The following TEAD4 variants were observed in gnomAD, a reference collection of about 807,000 sequenced individuals.
The protein encoded by TEAD4 is TEA domain transcription factor 4.
A neutral mutation model predicts 52.4 loss-of-function variants in TEAD4; 36 were observed. The observed-to-expected ratio is 0.69, with a 90% CI of 0.53 to 0.91. The LOEUF is 0.91. Among genes scored for constraint, TEAD4 ranks in the 40% least tolerant of loss-of-function variants. The probability of loss-of-function intolerance (pLI) is 0.00; values close to 1 mark genes in which losing one functional copy is unlikely to be tolerated. For missense variants in TEAD4, 508 were observed against 583.9 expected (o/e 0.87, Z 1.34); for synonymous variants, 220 against 231.0 (o/e 0.95, Z 0.43).
At chr12:2,961,182 T>C (rs74057725) in intron 2 of TEAD4, among the ~76,000 whole-genome samples, 5,846 of 152,176 alleles carry the variant, frequency 0.038, 363 homozygotes, top group African/African-American at 0.13. Context: ...TAAGTTGCCC[T>C]CAAGGACAAA....
intron 8 of TEAD4, 106 bp from the exon 9 acceptor site, chr12:3,020,528 C>T (rs1565546497): frequency 4.5e-6 from 6 of 1,347,854 alleles, no homozygotes; most frequent in South Asian, 1.9e-5. Flanking sequence ...AGGCGGTCCC[C>T]CCAGGCAGCA....
At chr12:3,003,793 T>C (rs1396613064) in intron 3 of TEAD4, among the ~76,000 whole-genome samples, 6 of 152,152 alleles carry the variant, frequency 3.9e-5, no homozygotes, top group Non-Finnish European at 7.4e-5. Context: ...CACGTTGCAA[T>C]GCGCAGCTGC....
intron 2 of TEAD4, among the ~76,000 whole-genome samples, chr12:2,993,645 T>A (rs964181771): frequency 2.0e-5 from 3 of 151,048 alleles, no homozygotes; most frequent in African/African-American, 4.9e-5. Flanking sequence ...TAATTTTTTT[T>A]AAATTAATTT....
intron 2 of TEAD4, among the ~76,000 whole-genome samples, chr12:2,976,356 C>CCCA (rs750656986): frequency 4.5e-4 from 24 of 53,796 alleles, no homozygotes; most frequent in South Asian, 3.9e-3. Flanking sequence ...TACACCCTGC[C>CCCA]CCCTCCCAAC....
intron 7 of TEAD4, 116 bp downstream of exon 7, chr12:3,018,704 C>T: frequency 7.4e-7 from 1 of 1,345,160 alleles, no homozygotes; most frequent in Middle Eastern, 1.8e-4. Flanking sequence ...CTGGGGTCGG[C>T]CTTTCAGGAT....
chr12:2,975,780 C>T (rs1291705665), intron 2 of TEAD4, among the ~76,000 whole-genome samples: 11 of 152,120 alleles, frequency 7.2e-5, no homozygotes, highest in African/African-American at 1.7e-4. Context: ...GTGTACCCAC[C>T]ATTACAGTAT....
chr12:3,000,974 A>G (rs2098251309), intron 3 of TEAD4, among the ~76,000 whole-genome samples: 1 of 152,166 alleles, frequency 6.6e-6, no homozygotes, highest in Non-Finnish European at 1.5e-5. Context: ...CCTCATTTGC[A>G]GGATTCTCTG....
chr12:3,012,198 G>A lies in TEAD4; in HGVS notation c.320G>A (p.Arg107His). ...TCCAGCCACATCCAGGTGCTGGCTC[G>A]TCGCAAAGCTCGCGAGATCCAGGCC... The change falls in exon 5 of 13, where the codon CGT becomes CAT. Residue 107 changes from arginine (R) to histidine (H), a missense_variant. By Grantham distance (29) the Arg-to-His change is conservative. Coordinates refer to ENST00000359864, the MANE Select transcript of TEAD4 (RefSeq NM_003213.4). The A allele has an allele frequency of 6.2e-7, 1 of 1,614,108 alleles. No individual in the cohort carries two copies. Among genetic ancestry groups the A allele is most frequent in the Non-Finnish European group, 8.5e-7 (1 of 1,179,982 alleles).
At chr12:2,988,559 TACAA>T (rs1458588224) in intron 2 of TEAD4, among the ~76,000 whole-genome samples, 4 of 150,506 alleles carry the variant, frequency 2.7e-5, no homozygotes, top group Non-Finnish European at 5.9e-5. Context: ...TGTCCTGCCA[TACAA>T]CTCCTAAAAT....
intron 2 of TEAD4, among the ~76,000 whole-genome samples, chr12:2,962,168 A>T (rs2098215909): frequency 6.7e-6 from 1 of 149,270 alleles, no homozygotes. Context: ...TCTGTCGCCT[A>T]GGCAGTAGTA....
At chr12:3,035,366 G>C (rs1199592792) in intron 10 of TEAD4, among the ~76,000 whole-genome samples, 1 of 152,182 alleles carries the variant, frequency 6.6e-6, no homozygotes, top group African/African-American at 2.4e-5. Flanking sequence ...ATCCTTCCCA[G>C]GCAGCTGGGC....
At chr12:2,968,170 T>TCCACCTTC (rs1360880232) in intron 2 of TEAD4, among the ~76,000 whole-genome samples, 3 of 140,010 alleles carry the variant, frequency 2.1e-5, no homozygotes, top group Non-Finnish European at 4.6e-5. Flanking sequence ...CACCGCAGCC[T>TCCACCTTC]CCACCTTCCG....
chr12:3,030,761 G>A (rs1591598476), intron 10 of TEAD4, among the ~76,000 whole-genome samples: 3 of 152,306 alleles, frequency 2.0e-5, no homozygotes, highest in Admixed American at 2.0e-4. Flanking sequence ...CTTCGAAGGG[G>A]TCGGCAGTCG....
At chr12:2,987,235 A>G (rs1469318880) in intron 2 of TEAD4, among the ~76,000 whole-genome samples, 1 of 152,108 alleles carries the variant, frequency 6.6e-6, no homozygotes, top group Non-Finnish European at 1.5e-5. Flanking sequence ...TCCCCCAAGG[A>G]GTCTGTTTAG....
chr12:2,988,687 A>G (rs2098240691), intron 2 of TEAD4, among the ~76,000 whole-genome samples: 1 of 152,110 alleles, frequency 6.6e-6, no homozygotes, highest in South Asian at 2.1e-4. Flanking sequence ...AAAGGGCAGG[A>G]TTAGAGGGGT....
chr12:2,995,473 C>G (rs2098246338), intron 3 of TEAD4, among the ~76,000 whole-genome samples: 1 of 152,154 alleles, frequency 6.6e-6, no homozygotes, highest in Non-Finnish European at 1.5e-5. Context: ...TGTGAGCTCA[C>G]AGATACCTGC....
Position 2,959,574 on chromosome 12 carries a change from G to C in TEAD4, c.-123+93G>C, listed in dbSNP as rs2098213468. The C allele has an allele frequency of 6.6e-6, 1 of 150,404 alleles. No individual in the cohort carries two copies. The highest frequency in any genetic ancestry group is 1.5e-5 in the Non-Finnish European group (1 of 67,392). 9.3% of individuals were successfully genotyped at this position (150,404 alleles called of 1,614,324 possible). ...GCCGACCGCTCGCGCCGCGTGCTCG[G>C]CTGCTCTTTTCTTTCCGCCGCCCGC... On this transcript the variant is annotated intron_variant, in intron 1 of 12. Coordinates refer to ENST00000359864, the MANE Select transcript of TEAD4 (RefSeq NM_003213.4). This position sits in a 1 kb window ranked among gnomAD's most constrained non-coding sequence, Gnocchi z 5.1.
chr12:2,980,750 G>T (rs932707469), intron 2 of TEAD4, among the ~76,000 whole-genome samples: 5 of 150,598 alleles, frequency 3.3e-5, no homozygotes, highest in Admixed American at 6.6e-5. Context: ...AAAAAAAAAA[G>T]TTGGCAAAAT....
chr12:2,960,279 G>T, intron 2 of TEAD4: 1 of 985,522 alleles, frequency 1.0e-6, no homozygotes, highest in Non-Finnish European at 1.2e-6. Context: ...GAGAGCATCG[G>T]CAACAGAAGA....
Sources: allele counts gnomAD v4.1 joint callset (sites outside exome capture counted in the v4.1 genomes callset), GRCh38; gene constraint gnomAD v4.1.1; non-coding constraint Gnocchi (gnomAD v3.1); transcripts MANE v1.5; gene names NCBI Gene and HGNC (gene_info 2026-07-23, HGNC 2026-07-21).